KMT5B: variants seen among roughly 807,000 people sequenced by gnomAD.
KMT5B encodes the protein lysine methyltransferase 5B.
A neutral mutation model predicts 83.2 loss-of-function variants in KMT5B; 10 were observed. The ratio of observed to expected loss-of-function variants is 0.12; its 90% confidence interval spans 0.07 to 0.20. The LOEUF is 0.20. KMT5B is among the 10% of genes least tolerant of loss of function. The pLI, the probability that KMT5B is intolerant of heterozygous loss-of-function variation, is 1.00. For missense variants in KMT5B, 753 were observed against 1,067.2 expected, an observed-to-expected ratio of 0.71 and a Z score of 4.10; for synonymous variants, 349 against 388.8, an observed-to-expected ratio of 0.90 and a Z score of 1.20.
At chr11:68,159,336 C>T (rs1371348966) in intron 10 of KMT5B, among the ~76,000 whole-genome samples, 165 bp from the exon 11 acceptor site, 2 of 152,190 alleles carry the variant, frequency 1.3e-5, no homozygotes, top group Non-Finnish European at 2.9e-5. Context: ...CCCTACACTG[C>T]TTCTCTTTGA....
intron 1 of KMT5B, among the ~76,000 whole-genome samples, chr11:68,201,395 T>C (rs998141082): frequency 2.0e-5 from 3 of 152,252 alleles, no homozygotes; most frequent in African/African-American, 7.2e-5. Flanking sequence ...TAACCATGCC[T>C]GTTCTATGCC....
At chr11:68,203,531 G>A (rs1161981731) in intron 1 of KMT5B, among the ~76,000 whole-genome samples, 5 of 152,180 alleles carry the variant, frequency 3.3e-5, no homozygotes, top group South Asian at 4.1e-4. Flanking sequence ...CAATCCCAGC[G>A]ATGAGGCCAA....
At position 68,198,447 on chromosome 11, in the gene KMT5B, CAAGACAAGA is replaced by C. The variant is rs1858993750; in HGVS notation, c.-76-8304_-76-8296del. 1.3e-3 allele frequency among the ~76,000 whole-genome samples: 18 copies of C among 13,994 alleles called. No homozygotes were observed. In the Admixed American group the frequency reaches 0.013, roughly 10 times the overall value. 9.2% of individuals were successfully genotyped at this position (13,994 alleles called of 152,430 possible). ...GGAAAGGAAAGGAAAAAAGACAAGA[CAAGACAAGA>C]CAAGACAAGACAAGACAAGACAAGA... On this transcript the variant is annotated intron_variant, in intron 1 of 10. Coordinates refer to ENST00000304363, the MANE Select transcript of KMT5B (RefSeq NM_017635.5).
chr11:68,195,046 T>C (rs1011950438), intron 1 of KMT5B, among the ~76,000 whole-genome samples: 1 of 151,982 alleles, frequency 6.6e-6, no homozygotes, highest in Non-Finnish European at 1.5e-5. Context: ...CCAAGGATGG[T>C]GGTATGCACC....
intron 1 of KMT5B, among the ~76,000 whole-genome samples, chr11:68,205,722 G>A (rs1251501630): frequency 6.6e-6 from 1 of 151,132 alleles, no homozygotes; most frequent in African/African-American, 2.4e-5. Context: ...CCGGGTTCAA[G>A]CCATTCTCCT....
chr11:68,206,146 C>CA (rs1179636902), intron 1 of KMT5B, among the ~76,000 whole-genome samples: 6 of 152,128 alleles, frequency 3.9e-5, no homozygotes, highest in Non-Finnish European at 8.8e-5. Flanking sequence ...GGAAAGTCCT[C>CA]AAAAAAACTT....
intron 3 of KMT5B, among the ~76,000 whole-genome samples, chr11:68,183,761 G>A (rs368250760): frequency 2.0e-4 from 30 of 151,620 alleles, no homozygotes; most frequent in Admixed American, 1.2e-3. Flanking sequence ...CCGGGTTCAC[G>A]TGATTCTCCT....
At chr11:68,190,208 GA>G (rs1451681673) in intron 1 of KMT5B, 56 bp from the exon 2 acceptor site, 1 of 769,062 alleles carries the variant, frequency 1.3e-6, no homozygotes, top group African/African-American at 1.7e-5. Context: ...ATACATGAAA[GA>G]TCATGCTAAA....
chr11:68,185,783 A>G lies in KMT5B; in HGVS notation c.306T>C (p.Thr102=). 1 of 1,612,730 alleles carries G rather than the reference A, an allele frequency of 6.2e-7. No individual in the cohort carries two copies. The change falls in exon 3 of 11, where the codon ACT becomes ACC. Residue 102 remains threonine, a splice_region_variant and synonymous_variant. Coordinates refer to ENST00000304363, the MANE Select transcript of KMT5B (RefSeq NM_017635.5). ...TCAGGATAAAGACTGAAAATTACCT[A>G]GTATTCATTTTGTGTGTTTGAAAAC... ...YLGFQTHKMN[T]SAFPSRSSRH...
intron 3 of KMT5B, among the ~76,000 whole-genome samples, chr11:68,183,025 C>A (rs369744538): frequency 6.6e-6 from 1 of 152,018 alleles, no homozygotes; most frequent in South Asian, 2.1e-4. Flanking sequence ...CGTGAGCCAC[C>A]GCACCTGGCC....
chr11:68,168,123 T>C (rs1485720820), intron 9 of KMT5B, among the ~76,000 whole-genome samples: 11 of 152,068 alleles, frequency 7.2e-5, no homozygotes, highest in African/African-American at 2.7e-4. Context: ...TTGCAGTGAG[T>C]TGAGATCGAA....
intron 1 of KMT5B, among the ~76,000 whole-genome samples, chr11:68,194,319 G>A (rs535986781): frequency 6.6e-6 from 1 of 150,992 alleles, no homozygotes; most frequent in Admixed American, 6.6e-5. Flanking sequence ...AGCCTCCTAA[G>A]TAGCTGGAAT....
At chr11:68,181,240 A>C (rs4930230) in intron 3 of KMT5B, among the ~76,000 whole-genome samples, 65,266 of 151,762 alleles carry the variant, frequency 0.43, 14,953 homozygotes, top group East Asian at 0.64. Context: ...ATGCCTGGCT[A>C]ATTTTTGTAT....
chr11:68,157,903 C>T lies in KMT5B; in HGVS notation c.2443G>A (p.Val815Met), dbSNP rs1305617033. Reference protein sequence around the residue: ...PLSLLESRMEVDDYSQYEEES... With the variant: ...PLSLLESRMEMDDYSQYEEES... Reference sequence around the variant, plus strand: ...TCCTCATACTGACTATAGTCATCCACCTCCATTCGAGACTCCAAGAGAGAA... The same window carrying T: ...TCCTCATACTGACTATAGTCATCCATCTCCATTCGAGACTCCAAGAGAGAA... Residue 815 changes from valine (V) to methionine (M), a missense_variant, in exon 11 of 11, where the codon GTG becomes ATG. This residue lies in a region of KMT5B where 161 missense variants were observed against 195.1 expected (regional missense o/e 0.83). Coordinates refer to ENST00000304363, the MANE Select transcript of KMT5B (RefSeq NM_017635.5). The T allele has an allele frequency of 1.2e-6, 2 of 1,614,056 alleles. No homozygotes were observed. Among genetic ancestry groups the T allele is most frequent in the Admixed American group, 1.7e-5 (1 of 60,028 alleles).
chr11:68,185,590 C>T (rs1305320458), intron 3 of KMT5B, among the ~76,000 whole-genome samples, 191 bp downstream of exon 3: 1 of 152,252 alleles, frequency 6.6e-6, no homozygotes, highest in Non-Finnish European at 1.5e-5. Flanking sequence ...AATAAGAACA[C>T]AGAGTTAGAA....
In KMT5B at chr11:68,171,762, G is replaced by C. The variant is rs1279919252; in HGVS notation, c.654-53C>G. On this transcript the variant is annotated intron_variant, in intron 6 of 10. Coordinates refer to ENST00000304363, the MANE Select transcript of KMT5B (RefSeq NM_017635.5). The surrounding 1 kb of genome is among the most constrained non-coding windows in gnomAD (Gnocchi z 5.1). ...ATTACTAGTAATTAAATATAGTAAG[G>C]CTTCTTTTAATAAAATAATCCTGAC... 3.0e-6 allele frequency: 4 copies of C among 1,354,044 alleles called. No homozygotes were observed. The East Asian group carries it at 9.5e-5, about 32-fold the overall frequency. The allele number at this position is 1,354,044 out of a possible 1,614,324, so 83.9% of individuals were successfully genotyped here.
At position 68,171,422 on chromosome 11, in the gene KMT5B, C is replaced by G. The variant is rs1426132279; in HGVS notation, c.820+121G>C. 18 of 1,300,668 alleles carry G rather than the reference C, an allele frequency of 1.4e-5. No individual in the cohort carries two copies. Among genetic ancestry groups the G allele is most frequent in the Non-Finnish European group, 1.8e-5 (17 of 942,022 alleles). 80.6% of individuals were successfully genotyped at this position (1,300,668 alleles called of 1,614,324 possible). ...ATTTATTTTAATAAGTTTGTGGAAA[C>G]ATTTCTATTTCAAATTCTCCTTTAA... On this transcript the variant is annotated intron_variant, in intron 7 of 10. Transcript: ENST00000304363. This position sits in a 1 kb window ranked among gnomAD's most constrained non-coding sequence, Gnocchi z 5.1.
chr11:68,191,914 A>C (rs1386231226), intron 1 of KMT5B, among the ~76,000 whole-genome samples: 2 of 152,226 alleles, frequency 1.3e-5, no homozygotes, highest in South Asian at 2.1e-4. Context: ...CATTCATGGG[A>C]AGTGCCCTTC....
In KMT5B at chr11:68,157,808, T is replaced by C; in HGVS notation, c.2538A>G (p.Glu846=). 1 of 1,614,160 alleles carries C rather than the reference T, an allele frequency of 6.2e-7. No individual in the cohort carries two copies. Residue 846 remains glutamate, a synonymous_variant, in exon 11 of 11, where the codon GAA becomes GAG. Coordinates refer to ENST00000304363, the MANE Select transcript of KMT5B (RefSeq NM_017635.5). Reference sequence around the variant, plus strand: ...CTGGAGGAAGAGGAATAAAATCGTCTTCAAAGTCATCATCATAGTCATCCT... The same window carrying C: ...CTGGAGGAAGAGGAATAAAATCGTCCTCAAAGTCATCATCATAGTCATCCT... The part of the protein sequence containing the change: ...EEEDDYDDDF[E]DDFIPLPPAK...
Sources: gnomAD v4.1 joint callset for allele counts (sites outside exome capture counted in the v4.1 genomes callset) on GRCh38, gnomAD v4.1.1 for gene constraint, gnomAD v4.1.1 regional missense constraint, Gnocchi (gnomAD v3.1) non-coding constraint, MANE v1.5 for transcripts, NCBI Gene and HGNC (gene_info 2026-07-23, HGNC 2026-07-21) for gene names.